Variants in GLI2 observed in about 807,000 individuals in gnomAD.
The protein encoded by GLI2 is transcription activator GLI2.
In GLI2, 22 loss-of-function variants were observed where a neutral mutation model predicts 78.9. The observed-to-expected ratio is 0.28, with a 90% CI of 0.20 to 0.40. The LOEUF (loss-of-function observed/expected upper bound fraction) is 0.40. Among genes scored for constraint, GLI2 ranks in the 10% least tolerant of loss-of-function variants. The pLI is 1.00. For synonymous variants in GLI2, 974 were observed against 963.7 expected, an observed-to-expected ratio of 1.01 and a Z score of -0.20; for missense variants, 2,097 against 2,213.2, an observed-to-expected ratio of 0.95 and a Z score of 1.05.
chr2:120,867,934 G>A (rs1688228988), intron 2 of GLI2, among the ~76,000 whole-genome samples: 1 of 152,194 alleles, frequency 6.6e-6, no homozygotes, highest in Non-Finnish European at 1.5e-5. Context: ...AGAAAGTGAG[G>A]CGGCTCCTGC....
chr2:120,944,592 C>A (rs558863094), intron 3 of GLI2, among the ~76,000 whole-genome samples: 5 of 152,364 alleles, frequency 3.3e-5, no homozygotes, highest in African/African-American at 1.2e-4. Context: ...CCAAGCCAAC[C>A]TTCTCGAGAA....
At chr2:120,926,080 A>AC (rs1679655267) in intron 2 of GLI2, among the ~76,000 whole-genome samples, 1 of 150,484 alleles carries the variant, frequency 6.6e-6, no homozygotes, top group Non-Finnish European at 1.5e-5. Flanking sequence ...CTCAAAAAAA[A>AC]AAAAAAAAAA....
At chr2:120,801,735 A>G (rs1684716397) in intron 2 of GLI2, among the ~76,000 whole-genome samples, 1 of 152,154 alleles carries the variant, frequency 6.6e-6, no homozygotes, top group East Asian at 1.9e-4. Flanking sequence ...CGGAAAACCC[A>G]GGCAGGAGCT....
chr2:120,739,314 C>G (rs1231559064), intron 1 of GLI2, among the ~76,000 whole-genome samples: 1 of 152,162 alleles, frequency 6.6e-6, no homozygotes, highest in East Asian at 1.9e-4. Flanking sequence ...AAACTTCACT[C>G]CACAGATGCC....
In GLI2 at chr2:120,913,669, G is replaced by C. The variant is rs150744133; in HGVS notation, c.149-13692G>C. Among the ~76,000 whole-genome samples, 88 of 152,332 alleles carry C rather than the reference G, an allele frequency of 5.8e-4. No homozygotes were observed. In the East Asian group the frequency reaches 0.013, roughly 22 times the overall value. ...AAGTGGCCCTTACGGGACCTGCTTG[G>C]ATGAAAGAATGGAGAGCATTTTGTC... On this transcript the variant is annotated intron_variant, in intron 2 of 13. Coordinates refer to ENST00000361492, the MANE Select transcript of GLI2 (RefSeq NM_001374353.1).
chr2:120,840,367 G>A (rs556553091), intron 2 of GLI2, among the ~76,000 whole-genome samples: 1 of 152,276 alleles, frequency 6.6e-6, no homozygotes, highest in South Asian at 2.1e-4. Flanking sequence ...TGCTCTTTGT[G>A]GTATCTGGTG....
chr2:120,920,275 G>A (rs1009051562), intron 2 of GLI2, among the ~76,000 whole-genome samples: 7 of 152,244 alleles, frequency 4.6e-5, no homozygotes, highest in African/African-American at 9.6e-5. Flanking sequence ...GCCCAGCCAC[G>A]GGGCAGTGCC....
intron 2 of GLI2, among the ~76,000 whole-genome samples, chr2:120,887,950 G>A (rs1677494504): frequency 6.6e-6 from 1 of 152,230 alleles, no homozygotes. Flanking sequence ...CCAGGGAGAG[G>A]GGAGCTGCAG....
rs80270594 is a variant in GLI2 at position 120,887,145 on chromosome 2, A to T, written c.149-40216A>T. ...CTGTGGTCCTTGAAAGCAGATGGCC[A>T]GATGCCCTGCCTGAAAACTCCCACA... On this transcript the variant is annotated intron_variant, in intron 2 of 13. Coordinates refer to ENST00000361492, the MANE Select transcript of GLI2 (RefSeq NM_001374353.1). Among the ~76,000 whole-genome samples the T allele has an allele frequency of 1.2e-3, 177 of 152,312 alleles. 1 individual carries two copies. The highest frequency in any genetic ancestry group is 4.2e-3 in the African/African-American group (173 of 41,570).
Position 120,896,696 on chromosome 2 carries a change from TACACACACACACACACACAC to T in GLI2, c.149-30643_149-30624del, listed in dbSNP as rs70954513. On this transcript the variant is annotated intron_variant, in intron 2 of 13. Transcript: ENST00000361492. ...CCCCCCACACACTCACACACACCCA[TACACACACACACACACACAC>T]ACACACACACACACACACACAGCCT... Among the ~76,000 whole-genome samples the T allele has an allele frequency of 3.4e-3, 443 of 128,904 alleles. 2 individuals are homozygous for T. Among genetic ancestry groups the T allele is most frequent in the African/African-American group, 0.011 (391 of 35,890 alleles). 84.6% of individuals were successfully genotyped at this position (128,904 alleles called of 152,430 possible). A position where few individuals can be genotyped will look rare whatever the true frequency, so the allele number is the denominator to read the frequency against.
chr2:120,949,335 A>G (rs1680868789), intron 3 of GLI2, among the ~76,000 whole-genome samples: 1 of 152,248 alleles, frequency 6.6e-6, no homozygotes, highest in Non-Finnish European at 1.5e-5. Flanking sequence ...TCTCCCTCCC[A>G]TTGAGCTCAG....
chr2:120,752,900 C>T lies in GLI2; in HGVS notation c.-31+16615C>T, dbSNP rs373224935. Among the ~76,000 whole-genome samples the T allele has an allele frequency of 3.9e-5, 6 of 152,164 alleles. No individual in the cohort carries two copies. In the South Asian group the frequency reaches 1.0e-3, roughly 26 times the overall value. ...CAGCTTCCCATTCTGTGTGTCTGGGCGGGATACCACTGTATGGTTATACCA... is the reference window on the plus strand; with the variant it reads ...CAGCTTCCCATTCTGTGTGTCTGGGTGGGATACCACTGTATGGTTATACCA... On this transcript the variant is annotated intron_variant, in intron 1 of 13. Coordinates refer to ENST00000361492, the MANE Select transcript of GLI2 (RefSeq NM_001374353.1).
At chr2:120,901,131 G>C (rs1678233021) in intron 2 of GLI2, among the ~76,000 whole-genome samples, 1 of 152,138 alleles carries the variant, frequency 6.6e-6, no homozygotes, top group Admixed American at 6.5e-5. Context: ...ATGCACTGCT[G>C]ACATGGAATT....
intron 2 of GLI2, among the ~76,000 whole-genome samples, chr2:120,832,225 C>G (rs1686397505): frequency 6.6e-6 from 1 of 152,236 alleles, no homozygotes; most frequent in South Asian, 2.1e-4. Context: ...CTGGCTGCCC[C>G]TGGCAAGTGC....
chr2:120,897,638 G>A (rs1678045453), intron 2 of GLI2, among the ~76,000 whole-genome samples: 1 of 151,920 alleles, frequency 6.6e-6, no homozygotes, highest in Non-Finnish European at 1.5e-5. Flanking sequence ...GACACTTTGT[G>A]TAATTTTCTT....
chr2:120,811,659 C>T (rs1475322951), intron 2 of GLI2, among the ~76,000 whole-genome samples: 1 of 151,916 alleles, frequency 6.6e-6, no homozygotes, highest in Non-Finnish European at 1.5e-5. Flanking sequence ...CTGTGGGGAG[C>T]CTGGGATGCC....
chr2:120,803,715 AG>A (rs1573399830), intron 2 of GLI2, among the ~76,000 whole-genome samples: 1 of 152,166 alleles, frequency 6.6e-6, no homozygotes, highest in East Asian at 1.9e-4. Context: ...ACCAGACCAA[AG>A]GTTACTAAAG....
chr2:120,987,395 C>T (rs1461022212), intron 13 of GLI2, among the ~76,000 whole-genome samples: 1 of 152,186 alleles, frequency 6.6e-6, no homozygotes, highest in Non-Finnish European at 1.5e-5. Context: ...CACCCAAGGT[C>T]ACCCCTTCCC....
rs1220739775 is a variant in GLI2 at position 120,989,475 on chromosome 2, T to A, written c.3510T>A (p.Ser1170Arg). Reference protein sequence around the residue: ...KPAFGQYPGYSPQGLQASPGG... With the variant: ...KPAFGQYPGYRPQGLQASPGG... ...CCTTTGGCCAGTACCCGGGCTACAGTCCGCAAGGCCTACAGGCTAGCCCTG... is the reference window on the plus strand; with the variant it reads ...CCTTTGGCCAGTACCCGGGCTACAGACCGCAAGGCCTACAGGCTAGCCCTG... Residue 1170 changes from serine (S) to arginine (R), a missense_variant, in exon 14 of 14, where the codon AGT (serine) becomes AGA (arginine). Coordinates refer to ENST00000361492, the MANE Select transcript of GLI2 (RefSeq NM_001374353.1). 1 of 1,612,946 alleles carries A rather than the reference T, an allele frequency of 6.2e-7. No individual in the cohort carries two copies. Among genetic ancestry groups the A allele is most frequent in the East Asian group, 2.2e-5 (1 of 44,874 alleles).
Sources: allele counts gnomAD v4.1 joint callset (sites outside exome capture counted in the v4.1 genomes callset), GRCh38; gene constraint gnomAD v4.1.1; transcripts MANE v1.5; gene names NCBI Gene and HGNC (gene_info 2026-07-23, HGNC 2026-07-21).